The following AGR3 variants were observed in gnomAD, a reference collection of about 807,000 sequenced individuals.
AGR3 encodes the protein anterior gradient protein 3.
Under a neutral mutation model 24.5 loss-of-function variants are expected in AGR3, and 37 were observed. The observed-to-expected ratio is 1.51, with a 90% CI of 1.16 to 1.99. AGR3 has a LOEUF of 1.99. AGR3 is among the 30% of genes most tolerant of loss of function. The pLI, the probability that AGR3 is intolerant of heterozygous loss-of-function variation, is 0.00. For missense variants in AGR3, 228 were observed against 191.1 expected, an observed-to-expected ratio of 1.19 and a Z score of -1.14; for synonymous variants, 75 against 61.6, an observed-to-expected ratio of 1.22 and a Z score of -1.02.
chr7:16,865,407 C>T lies in AGR3; in HGVS notation c.174-2745G>A, dbSNP rs189563881. The T allele has an allele frequency of 3.8e-3, 3,663 of 964,700 alleles. 11 individuals are homozygous for T. The highest frequency in any genetic ancestry group is 5.4e-3 in the Non-Finnish European group (3,246 of 599,160). The allele number at this position is 964,700 out of a possible 1,614,324, so 59.8% of individuals were successfully genotyped here. A position where few individuals can be genotyped will look rare whatever the true frequency, so the allele number is the denominator to read the frequency against. On this transcript the variant is annotated intron_variant, in intron 3 of 7. Coordinates refer to ENST00000310398, the MANE Select transcript of AGR3 (RefSeq NM_176813.5). ...CTTGTTAGCCTCTATAGTCACTATT[C>T]GATTAAGAAATTTCATCGTAATTGT...
intron 1 of AGR3, among the ~76,000 whole-genome samples, chr7:16,880,068 C>A (rs191052119): frequency 6.0e-5 from 9 of 150,030 alleles, no homozygotes; most frequent in African/African-American, 2.2e-4. Flanking sequence ...CCCTTCCTTC[C>A]TTCCCCTTCC....
intron 2 of AGR3, among the ~76,000 whole-genome samples, chr7:16,877,406 A>G (rs576914568): frequency 2.0e-5 from 3 of 150,550 alleles, no homozygotes; most frequent in African/African-American, 7.3e-5. Flanking sequence ...CAAAACTAGC[A>G]GTATTACTCC....
At chr7:16,855,525 T>G (rs1781545650), downstream of AGR3, among the ~76,000 whole-genome samples, 1 of 152,162 alleles carries the variant, frequency 6.6e-6, no homozygotes, top group Non-Finnish European at 1.5e-5. Context: ...TCTGTCGCCC[T>G]CCTAACACTC....
At chr7:16,856,960 A>C (rs746495975), downstream of AGR3, among the ~76,000 whole-genome samples, 2 of 148,026 alleles carry the variant, frequency 1.4e-5, no homozygotes, top group Admixed American at 1.4e-4. Context: ...AGAAATATCA[A>C]CTACAATATA....
At chr7:16,881,500 G>GCAGCTTA (rs1260832706) in intron 1 of AGR3, among the ~76,000 whole-genome samples, 1 of 152,160 alleles carries the variant, frequency 6.6e-6, no homozygotes, top group Non-Finnish European at 1.5e-5. Flanking sequence ...CAGGCCTACA[G>GCAGCTTA]CAGCTTAAAA....
Position 16,864,299 on chromosome 7 carries a change from T to C in AGR3, c.174-1637A>G, listed in dbSNP as rs1781706969. 3 of 1,356,716 alleles carry C rather than the reference T, an allele frequency of 2.2e-6. No homozygotes were observed. The African/African-American group carries it at 4.3e-5, about 20-fold the overall frequency. The allele number at this position is 1,356,716 out of a possible 1,614,324, so 84.0% of individuals were successfully genotyped here. The stretch of plus-strand genomic sequence containing the variant: ...TCACTCTCATAGTCTTCTATTATTA[T>C]ATTTTCTTCCACGTCTCCTTGGGCT... On this transcript the variant is annotated intron_variant, in intron 3 of 7. Transcript: ENST00000310398.
rs1268262655 is a variant in AGR3 at position 16,873,849 on chromosome 7, A to G, written c.110-6T>C. The G allele has an allele frequency of 6.2e-7, 1 of 1,610,196 alleles. No homozygotes were observed. The highest frequency in any genetic ancestry group is 1.3e-5 in the African/African-American group (1 of 74,800). ...AGTGATGTCATCTCCCCATCCTGAAATAGAAGAGAGAAATCAATGCAGTAA... is the reference window on the plus strand; with the variant it reads ...AGTGATGTCATCTCCCCATCCTGAAGTAGAAGAGAGAAATCAATGCAGTAA... On this transcript the variant is annotated splice_polypyrimidine_tract_variant and splice_region_variant and intron_variant, in intron 2 of 7. Coordinates refer to ENST00000310398, the MANE Select transcript of AGR3 (RefSeq NM_176813.5).
chr7:16,869,986 T>C (rs1224991372), intron 3 of AGR3, among the ~76,000 whole-genome samples: 1 of 151,952 alleles, frequency 6.6e-6, no homozygotes, highest in South Asian at 2.1e-4. Context: ...TCACAATTTA[T>C]TGTGATCATC....
At chr7:16,874,541 C>T (rs149773256) in intron 2 of AGR3, among the ~76,000 whole-genome samples, 331 of 152,104 alleles carry the variant, frequency 2.2e-3, no homozygotes, top group African/African-American at 7.4e-3. Flanking sequence ...TGCAGAACCT[C>T]CAAAAACATT....
downstream of AGR3, among the ~76,000 whole-genome samples, chr7:16,855,134 C>T (rs527576607): frequency 2.6e-4 from 39 of 152,232 alleles, no homozygotes; most frequent in Admixed American, 8.5e-4. Flanking sequence ...GTATTGGGAA[C>T]GTTCAATATC....
chr7:16,860,670 GT>G, intron 6 of AGR3, 87 bp from the exon 7 acceptor site: 1 of 915,688 alleles, frequency 1.1e-6, no homozygotes, highest in Non-Finnish European at 1.7e-6. Flanking sequence ...TATTTTATAT[GT>G]GGGGGTTATG....
intron 2 of AGR3, 71 bp downstream of exon 2, chr7:16,878,439 G>A (rs781688520): frequency 3.0e-6 from 4 of 1,341,452 alleles, no homozygotes; most frequent in Non-Finnish European, 3.2e-6. Context: ...TAGACTATGA[G>A]TGAAGACACC....
At chr7:16,873,887 G>A (rs1781934363) in intron 2 of AGR3, 44 bp from the exon 3 acceptor site, 1 of 1,433,148 alleles carries the variant, frequency 7.0e-7, no homozygotes, top group African/African-American at 1.4e-5. Context: ...CAGAACTAGA[G>A]AAGAGCTCGG....
intron 1 of AGR3, among the ~76,000 whole-genome samples, chr7:16,879,179 G>T (rs189870584): frequency 6.8e-4 from 103 of 152,268 alleles, no homozygotes; most frequent in African/African-American, 2.5e-3. Context: ...TTCCTTTATA[G>T]TTTCTTACCT....
chr7:16,874,547 A>T (rs1303681517), intron 2 of AGR3, among the ~76,000 whole-genome samples: 1 of 152,128 alleles, frequency 6.6e-6, no homozygotes, highest in Non-Finnish European at 1.5e-5. Flanking sequence ...ACCTCCAAAA[A>T]CATTACTGAG....
chr7:16,868,243 C>T (rs555840778), intron 3 of AGR3, among the ~76,000 whole-genome samples: 1 of 152,094 alleles, frequency 6.6e-6, no homozygotes, highest in South Asian at 2.1e-4. Flanking sequence ...ACAACCTCCG[C>T]CTCCCAGGTT....
At position 16,871,836 on chromosome 7, in the gene AGR3, A is replaced by G. The variant is rs142373899; in HGVS notation, c.173+1944T>C. Among the ~76,000 whole-genome samples, 329 of 152,248 alleles carry G rather than the reference A, an allele frequency of 2.2e-3. 2 individuals carry two copies. Among genetic ancestry groups the G allele is most frequent in the African/African-American group, 7.2e-3 (298 of 41,544 alleles). On this transcript the variant is annotated intron_variant, in intron 3 of 7. Coordinates refer to ENST00000310398, the MANE Select transcript of AGR3 (RefSeq NM_176813.5). ...CAGCCTGGTGACAGAGCAAGACTCC[A>G]TCTCAAAAAAACAACAAGCAAACAA...
At chr7:16,866,443 A>G (rs1781760565) in intron 3 of AGR3, 2 of 261,678 alleles carry the variant, frequency 7.6e-6, no homozygotes, top group Non-Finnish European at 8.0e-6. Context: ...TGTTGTTTTA[A>G]AAAATGATTT....
intron 1 of AGR3, among the ~76,000 whole-genome samples, chr7:16,880,814 A>G (rs1002841486): frequency 3.3e-5 from 5 of 152,054 alleles, no homozygotes; most frequent in African/African-American, 1.2e-4. Flanking sequence ...TCTGGAACAC[A>G]AAGCTCAACC....
Sources: allele counts gnomAD v4.1 joint callset (sites outside exome capture counted in the v4.1 genomes callset), GRCh38; gene constraint gnomAD v4.1.1; transcripts MANE v1.5; gene names NCBI Gene and HGNC (gene_info 2026-07-23, HGNC 2026-07-21).